IQCM: variants seen among roughly 807,000 people sequenced by gnomAD.
IQCM encodes the protein IQ domain-containing protein M.
Under a neutral mutation model 57.6 loss-of-function variants are expected in IQCM, and 45 were observed. That is an observed-to-expected ratio of 0.78 (90% CI 0.62 to 1.00). IQCM has a LOEUF of 1.00. Among genes scored for constraint, IQCM ranks in the 50% least tolerant of loss-of-function variants. The probability of loss-of-function intolerance (pLI) is 0.00; values close to 1 mark genes in which losing one functional copy is unlikely to be tolerated. For missense variants in IQCM, 468 were observed against 511.6 expected, an observed-to-expected ratio of 0.91 and a Z score of 0.82; for synonymous variants, 148 against 158.9, an observed-to-expected ratio of 0.93 and a Z score of 0.51.
At chr4:149,585,299 G>A (rs555541283) in intron 9 of IQCM, among the ~76,000 whole-genome samples, 8 of 151,654 alleles carry the variant, frequency 5.3e-5, no homozygotes, top group South Asian at 2.1e-4. Context: ...ACCTCTAGCC[G>A]AAAAATATAT....
At chr4:149,604,193 G>T (rs1182889969) in intron 8 of IQCM, among the ~76,000 whole-genome samples, 2 of 152,114 alleles carry the variant, frequency 1.3e-5, no homozygotes, top group Non-Finnish European at 2.9e-5. Context: ...ATATTAGCAA[G>T]TGTAATTACT....
intron 13 of IQCM, among the ~76,000 whole-genome samples, chr4:149,426,389 G>A (rs1356007469): frequency 1.3e-5 from 2 of 151,914 alleles, no homozygotes; most frequent in Admixed American, 1.3e-4. Context: ...ACTGCTAAAA[G>A]TCACTAATCA....
chr4:149,620,929 A>G (rs1756278005), intron 8 of IQCM, among the ~76,000 whole-genome samples, 200 bp downstream of exon 8: 1 of 152,224 alleles, frequency 6.6e-6, no homozygotes, highest in Non-Finnish European at 1.5e-5. Context: ...ATATTGTGGG[A>G]TCGGGTGATC....
intron 2 of IQCM, among the ~76,000 whole-genome samples, chr4:149,799,672 A>G (rs1773427411): frequency 2.6e-5 from 4 of 151,780 alleles, no homozygotes; most frequent in South Asian, 2.1e-4. Context: ...CAGAAGTTCA[A>G]AGGATCATCA....
At chr4:149,425,265 T>C (rs985244423) in intron 13 of IQCM, among the ~76,000 whole-genome samples, 6 of 151,976 alleles carry the variant, frequency 3.9e-5, no homozygotes, top group Non-Finnish European at 2.9e-5. Context: ...ACAGATCCAA[T>C]AGGCTATATA....
At chr4:149,566,413 G>A (rs1370528272) in intron 9 of IQCM, among the ~76,000 whole-genome samples, 4 of 152,084 alleles carry the variant, frequency 2.6e-5, no homozygotes, top group Admixed American at 2.0e-4. Flanking sequence ...GACAGCTCTA[G>A]GTCATTACAG....
chr4:149,392,404 G>A (rs1239006889), intron 13 of IQCM, among the ~76,000 whole-genome samples: 1 of 151,902 alleles, frequency 6.6e-6, no homozygotes, highest in Non-Finnish European at 1.5e-5. Context: ...ACCGTAAACA[G>A]AACTACCATC....
intron 8 of IQCM, 99 bp downstream of exon 8, chr4:149,621,030 G>A (rs1703780130): frequency 2.2e-6 from 1 of 456,904 alleles, no homozygotes; most frequent in African/African-American, 2.0e-5. Context: ...GACTGAAACA[G>A]GTCCATAGTA....
At chr4:149,759,044 C>A (rs561369741) in intron 2 of IQCM, among the ~76,000 whole-genome samples, 52 of 152,176 alleles carry the variant, frequency 3.4e-4, no homozygotes, top group African/African-American at 1.2e-3. Flanking sequence ...CAGAAGCAAC[C>A]ACGATATCCT....
At chr4:149,627,373 T>G (rs1756905546) in intron 7 of IQCM, among the ~76,000 whole-genome samples, 1 of 152,154 alleles carries the variant, frequency 6.6e-6, no homozygotes, top group South Asian at 2.1e-4. Flanking sequence ...AATCCACATG[T>G]TCTTTCTATT....
At chr4:149,686,572 T>A in intron 5 of IQCM, 104 bp from the exon 6 acceptor site, 1 of 431,394 alleles carries the variant, frequency 2.3e-6, no homozygotes, top group East Asian at 3.6e-5. Flanking sequence ...ACAAGAGCTA[T>A]AATCTTTTAA....
chr4:149,623,053 C>G (rs1199447942), intron 7 of IQCM, among the ~76,000 whole-genome samples: 1 of 152,034 alleles, frequency 6.6e-6, no homozygotes, highest in Non-Finnish European at 1.5e-5. Context: ...AAAGAAATGA[C>G]AAATGTCTGA....
chr4:149,383,385 C>T (rs561521687), intron 13 of IQCM, among the ~76,000 whole-genome samples: 7 of 152,066 alleles, frequency 4.6e-5, no homozygotes, highest in African/African-American at 7.2e-5. Context: ...ATATGGATTC[C>T]GACAGGCACT....
At chr4:149,359,163 G>T (rs1729296304) in intron 13 of IQCM, among the ~76,000 whole-genome samples, 1 of 151,800 alleles carries the variant, frequency 6.6e-6, no homozygotes, top group African/African-American at 2.4e-5. Flanking sequence ...AATGCTCGTT[G>T]GTCCCCAAGA....
At chr4:149,755,043 C>T (rs1426943453) in intron 2 of IQCM, among the ~76,000 whole-genome samples, 3 of 152,166 alleles carry the variant, frequency 2.0e-5, no homozygotes, top group Non-Finnish European at 4.4e-5. Context: ...ATTCTACGTC[C>T]TATTCATTAG....
intron 12 of IQCM, among the ~76,000 whole-genome samples, chr4:149,511,252 C>T (rs949758219): frequency 6.6e-6 from 1 of 152,058 alleles, no homozygotes; most frequent in Non-Finnish European, 1.5e-5. Flanking sequence ...GGCACGTTAG[C>T]TCATGCCTGT....
chr4:149,562,232 T>A (rs1376692271), intron 10 of IQCM, among the ~76,000 whole-genome samples: 1 of 152,172 alleles, frequency 6.6e-6, no homozygotes, highest in Non-Finnish European at 1.5e-5. Context: ...GCAGATAGAT[T>A]TGACAGAAGT....
chr4:149,699,128 T>A (rs1763564977), intron 5 of IQCM, among the ~76,000 whole-genome samples: 2 of 152,092 alleles, frequency 1.3e-5, no homozygotes, highest in African/African-American at 4.8e-5. Flanking sequence ...GAAAATATTA[T>A]CTCAAATATG....
intron 5 of IQCM, among the ~76,000 whole-genome samples, chr4:149,707,358 A>C (rs774436516): frequency 5.3e-5 from 8 of 152,048 alleles, no homozygotes; most frequent in Non-Finnish European, 7.4e-5. Flanking sequence ...GTTGTTATGC[A>C]TGTTACAATA....
Sources: gnomAD v4.1 joint callset for allele counts (sites outside exome capture counted in the v4.1 genomes callset) on GRCh38, gnomAD v4.1.1 for gene constraint, MANE v1.5 for transcripts, NCBI Gene and HGNC (gene_info 2026-07-23, HGNC 2026-07-21) for gene names.